URB2: variants seen among roughly 807,000 people sequenced by gnomAD.
URB2 encodes unhealthy ribosome biogenesis protein 2 homolog.
Under a neutral mutation model 120.9 loss-of-function variants are expected in URB2, and 86 were observed. That is an observed-to-expected ratio of 0.71 (90% CI 0.60 to 0.85). The LOEUF (loss-of-function observed/expected upper bound fraction) is 0.85. URB2 is among the 40% of genes least tolerant of loss of function. The pLI, the probability that URB2 is intolerant of heterozygous loss-of-function variation, is 0.00. For synonymous variants in URB2, 755 were observed against 758.4 expected (o/e 1.00, Z 0.07); for missense variants, 1,765 against 1,836.5 (o/e 0.96, Z 0.71).
In URB2 at chr1:229,636,411, CAGA is replaced by C. The variant is rs1665820571; in HGVS notation, c.1801_1803del (p.Lys601del). On this transcript the variant is annotated inframe_deletion, in exon 4 of 10. Coordinates refer to ENST00000258243, the MANE Select transcript of URB2 (RefSeq NM_014777.4). ...AGGCCCAGAGCCAGAGCTGTGGCTG[CAGA>C]AGGTCAGTGACTCTGTGCTCCTGCT... is the stretch of plus-strand genomic sequence containing the variant. 1.9e-6 allele frequency: 3 copies of C among 1,614,116 alleles called. No homozygotes were observed. Among genetic ancestry groups the C allele is most frequent in the Non-Finnish European group, 2.5e-6 (3 of 1,180,046 alleles).
At chr1:229,640,078 A>G (rs950643776) in intron 4 of URB2, among the ~76,000 whole-genome samples, 1 of 152,250 alleles carries the variant, frequency 6.6e-6, no homozygotes, top group Non-Finnish European at 1.5e-5. Flanking sequence ...AAACCCATCC[A>G]AAAATTAAAA....
Position 229,637,115 on chromosome 1 carries a change from C to T in URB2, c.2502C>T (p.Val834=). ...CSGAQRDSGL[V]SQQLPWLFEK... Reference sequence around the variant, plus strand: ...GTGCCCAGCGTGACTCAGGTCTTGTCAGTCAGCAGCTTCCCTGGCTTTTTG... The same window carrying T: ...GTGCCCAGCGTGACTCAGGTCTTGTTAGTCAGCAGCTTCCCTGGCTTTTTG... The change falls in exon 4 of 10, where the codon GTC becomes GTT. Residue 834 remains valine, a synonymous_variant. Transcript: ENST00000258243. The T allele has an allele frequency of 6.2e-7, 1 of 1,612,924 alleles. No homozygotes were observed. Among genetic ancestry groups the T allele is most frequent in the South Asian group, 1.1e-5 (1 of 90,942 alleles).
rs1323173049 is a variant in URB2 at position 229,638,079 on chromosome 1, G to T, written c.3466G>T (p.Gly1156Cys). The change falls in exon 4 of 10, where the codon GGT (glycine) becomes TGT (cysteine). Residue 1156 changes from glycine to cysteine, a missense_variant. Gly to Cys is a radical substitution (Grantham distance 159). Coordinates refer to ENST00000258243, the MANE Select transcript of URB2 (RefSeq NM_014777.4). The part of the protein sequence containing the change: ...TLLSHVALYQ[G>C]VYSQILLELP... ...GCTCTCCCATGTTGCCCTCTACCAG[G>T]GTGTTTACTCTCAGATACTGTTGGA... 6.2e-7 allele frequency: 1 copy of T among 1,614,200 alleles called. No homozygotes were observed. Among genetic ancestry groups the T allele is most frequent in the Non-Finnish European group, 8.5e-7 (1 of 1,180,032 alleles).
rs1666009241 is a variant in URB2 at position 229,641,393 on chromosome 1, TCA to T, written c.3635-2137_3635-2136del. ...TTTCCTCAGGGACAGAGCACCTCGG[TCA>T]CAGTGTGGTCAGGGTTGGGCAAGGC... On this transcript the variant is annotated intron_variant, in intron 4 of 9. Transcript: ENST00000258243. Among the ~76,000 whole-genome samples the T allele has an allele frequency of 2.0e-5, 3 of 152,120 alleles. No individual in the cohort carries two copies. The South Asian group carries it at 6.2e-4, about 31-fold the overall frequency.
At position 229,651,307 on chromosome 1, in the gene URB2, C is replaced by T. The variant is rs1318884599; in HGVS notation, c.4222C>T (p.Arg1408Trp). The T allele has an allele frequency of 2.0e-5, 32 of 1,611,066 alleles. No individual in the cohort carries two copies. The highest frequency in any genetic ancestry group is 4.0e-5 in the African/African-American group (3 of 74,768). The stretch of plus-strand genomic sequence containing the variant: ...GGTGTTTTCAGTTATGCGGGAAGGG[C>T]GGCAGAAGGACAAAGGTAATTTGGA... ...RLVFSVMREGRQKDKGSIDDL... is the reference protein window; with the variant it reads ...RLVFSVMREGWQKDKGSIDDL... The change falls in exon 8 of 10, where the codon CGG becomes TGG. Residue 1408 changes from arginine (R) to tryptophan (W), a missense_variant. Coordinates refer to ENST00000258243, the MANE Select transcript of URB2 (RefSeq NM_014777.4).
At chr1:229,627,462 T>A (rs1379389743) in intron 1 of URB2, among the ~76,000 whole-genome samples, 159 bp from the exon 2 acceptor site, 1 of 152,234 alleles carries the variant, frequency 6.6e-6, no homozygotes, top group Non-Finnish European at 1.5e-5. Context: ...GCATCTTGTA[T>A]GTAGATTTAC....
At chr1:229,650,453 T>G (rs1324443338) in intron 7 of URB2, among the ~76,000 whole-genome samples, 1 of 152,010 alleles carries the variant, frequency 6.6e-6, no homozygotes. Flanking sequence ...TTTTTTGAGA[T>G]GGAGTCTCGC....
Position 229,637,955 on chromosome 1 carries a change from G to A in URB2, c.3342G>A (p.Ser1114=), listed in dbSNP as rs79846464. The A allele has an allele frequency of 2.2e-4, 355 of 1,613,500 alleles. 2 individuals are homozygous for A. The East Asian group carries it at 6.1e-3, about 28-fold the overall frequency. The part of the protein sequence containing the change: ...VPGARGWRLP[S]VLISSVSTLL... The stretch of plus-strand genomic sequence containing the variant: ...GGGCCCGGGGCTGGCGCCTTCCCTC[G>A]GTCCTCATCTCATCCGTCAGCACGC... The change falls in exon 4 of 10, where the codon TCG becomes TCA. Residue 1114 remains serine (S), a synonymous_variant. Transcript: ENST00000258243.
At chr1:229,632,566 A>G (rs1665698664) in intron 3 of URB2, 121 bp downstream of exon 3, 1 of 778,952 alleles carries the variant, frequency 1.3e-6, no homozygotes, top group Non-Finnish European at 1.8e-6. Context: ...TAGGAGAAAA[A>G]GGATGTAATA....
rs564526619 is a variant in URB2, at chr1:229,649,256, T to C, written c.4149+1504T>C. ...TATTCTCTGGTAAGCTAAACACTCA[T>C]GACATTGGTTCTAACTCTAAAGCCT... On this transcript the variant is annotated intron_variant, in intron 7 of 9. Coordinates refer to ENST00000258243, the MANE Select transcript of URB2 (RefSeq NM_014777.4). 1.8e-4 allele frequency among the ~76,000 whole-genome samples: 28 copies of C among 152,352 alleles called. No homozygotes were observed. In the South Asian group the frequency reaches 5.6e-3, roughly 30 times the overall value.
At position 229,636,139 on chromosome 1, in the gene URB2, A is replaced by G. The variant is rs750816550; in HGVS notation, c.1526A>G (p.Gln509Arg). 7 of 1,614,232 alleles carry G rather than the reference A, an allele frequency of 4.3e-6. No individual in the cohort carries two copies. Among genetic ancestry groups the G allele is most frequent in the Non-Finnish European group, 5.9e-6 (7 of 1,180,046 alleles). ...TGCCTCCTGGAGCTGCCTCCAAGTC[A>G]GATCCTGGACACGTGGTCCCTTGTG... is the stretch of plus-strand genomic sequence containing the variant. ...SACLLELPPS[Q>R]ILDTWSLVLE... Residue 509 changes from glutamine to arginine, a missense_variant, in exon 4 of 10, where the codon CAG (glutamine) becomes CGG (arginine). Coordinates refer to ENST00000258243, the MANE Select transcript of URB2 (RefSeq NM_014777.4).
Position 229,635,401 on chromosome 1 carries a change from A to G in URB2, c.788A>G (p.Gln263Arg). ...SYKEGLLDQQ[Q>R]GDVKTGAMKN... ...AAGGAGGGGCTCTTGGACCAGCAGC[A>G]AGGGGATGTGAAGACGGGAGCCATG... is the stretch of plus-strand genomic sequence containing the variant. The change falls in exon 4 of 10, where the codon CAA becomes CGA. Residue 263 changes from glutamine to arginine, a missense_variant. Transcript: ENST00000258243. 6.2e-7 allele frequency: 1 copy of G among 1,614,078 alleles called. No individual in the cohort carries two copies. The highest frequency in any genetic ancestry group is 8.5e-7 in the Non-Finnish European group (1 of 1,179,992).
At position 229,632,394 on chromosome 1, in the gene URB2, G is replaced by GA; in HGVS notation, c.254dup (p.Asn85LysfsTer10). On this transcript the variant is annotated frameshift_variant, in exon 3 of 10. Coordinates refer to ENST00000258243, the MANE Select transcript of URB2 (RefSeq NM_014777.4). LOFTEE classifies it high-confidence loss of function. ...ACATTTTACATAGCAGAAAATTGCA[G>GA]AATCTCCTCAAGAATGGAAAGACCA... 1 of 1,584,066 alleles carries GA rather than the reference G, an allele frequency of 6.3e-7. No individual in the cohort carries two copies. The highest frequency in any genetic ancestry group is 8.5e-7 in the Non-Finnish European group (1 of 1,170,098).
intron 2 of URB2, among the ~76,000 whole-genome samples, chr1:229,628,189 TA>T (rs1388094511): frequency 3.5e-5 from 5 of 144,628 alleles, no homozygotes; most frequent in Non-Finnish European, 7.5e-5. Context: ...ATAATATATA[TA>T]ATATATATGT....
At position 229,651,273 on chromosome 1, in the gene URB2, C is replaced by G. The variant is rs776712500; in HGVS notation, c.4188C>G (p.Phe1396Leu). The change falls in exon 8 of 10, where the codon TTC becomes TTG. Residue 1396 changes from phenylalanine (F) to leucine (L), a missense_variant. Coordinates refer to ENST00000258243, the MANE Select transcript of URB2 (RefSeq NM_014777.4). ...LKAIPSFLNS[F>L]NRLVFSVMRE... is the part of the protein sequence containing the mutation. Reference sequence around the variant, plus strand: ...CCATCCCTTCTTTCTTGAACTCTTTCAATAGATTGGTGTTTTCAGTTATGC... The same window carrying G: ...CCATCCCTTCTTTCTTGAACTCTTTGAATAGATTGGTGTTTTCAGTTATGC... The G allele has an allele frequency of 5.0e-6, 8 of 1,612,298 alleles. No homozygotes were observed. Among genetic ancestry groups the G allele is most frequent in the Admixed American group, 1.7e-5 (1 of 59,600 alleles).
At position 229,647,699 on chromosome 1, in the gene URB2, G is replaced by A. The variant is rs201344904; in HGVS notation, c.4096G>A (p.Val1366Ile). 7.9e-5 allele frequency: 127 copies of A among 1,614,088 alleles called. No homozygotes were observed. In the East Asian group the frequency reaches 8.2e-4, roughly 10 times the overall value. The change falls in exon 7 of 10, where the codon GTC becomes ATC. Residue 1366 changes from valine to isoleucine, a missense_variant. Coordinates refer to ENST00000258243, the MANE Select transcript of URB2 (RefSeq NM_014777.4). ...TCTGAAGCCGCTGGAGTATGGAAGCGTCTTCCCGAGGCTGCACAACGTGCT... is the reference window on the plus strand; with the variant it reads ...TCTGAAGCCGCTGGAGTATGGAAGCATCTTCCCGAGGCTGCACAACGTGCT... ...DHLKPLEYGS[V>I]FPRLHNVLFS...
chr1:229,649,084 A>G (rs12567004), intron 7 of URB2, among the ~76,000 whole-genome samples: 20,956 of 152,184 alleles, frequency 0.14, 2,186 homozygotes, highest in East Asian at 0.42. Flanking sequence ...TTATAGGACC[A>G]CTGTTGTTTA....
intron 4 of URB2, among the ~76,000 whole-genome samples, chr1:229,641,824 C>A (rs1391914235): frequency 2.0e-5 from 3 of 152,116 alleles, no homozygotes; most frequent in Admixed American, 2.0e-4. Context: ...GAGTTTGAGA[C>A]CAACCTGGGT....
At chr1:229,649,037 CAG>C (rs1666212968) in intron 7 of URB2, among the ~76,000 whole-genome samples, 1 of 152,196 alleles carries the variant, frequency 6.6e-6, no homozygotes. Flanking sequence ...TGCATTTAAA[CAG>C]AGAAAAGTTC....
Sources: allele counts gnomAD v4.1 joint callset (sites outside exome capture counted in the v4.1 genomes callset), GRCh38; gene constraint gnomAD v4.1.1; transcripts MANE v1.5; gene names NCBI Gene and HGNC (gene_info 2026-07-23, HGNC 2026-07-21).